Variants in CHD4 observed in about 807,000 individuals in gnomAD.
The protein encoded by CHD4 is chromodomain helicase DNA binding protein 4, also known as ATP-dependent chromatin remodeler CHD4.
Under a neutral mutation model 235.5 loss-of-function variants are expected in CHD4, and 35 were observed. The observed-to-expected ratio is 0.15, with a 90% CI of 0.11 to 0.20. The LOEUF (loss-of-function observed/expected upper bound fraction) is 0.20, where lower values mean the gene tolerates loss of function less well. Among genes scored for constraint, CHD4 ranks in the 10% least tolerant of loss-of-function variants. The pLI is 1.00. For missense variants in CHD4, 1,329 were observed against 2,432.3 expected (o/e 0.55, Z 9.54); for synonymous variants, 900 against 850.2 (o/e 1.06, Z -1.02).
In CHD4 at chr12:6,599,854, A is replaced by G. The variant is rs1948559831; in HGVS notation, c.1401T>C (p.Cys467=). The G allele has an allele frequency of 1.9e-6, 3 of 1,614,080 alleles. No individual in the cohort carries two copies. Among genetic ancestry groups the G allele is most frequent in the African/African-American group, 1.3e-5 (1 of 74,928 alleles). ...DGGELLCCDT[C]PSSYHIHCLN... Reference sequence around the variant, plus strand: ...GGCAGTGGATGTGGTAGGAAGAAGGACAGGTATCACAGCAGAGCAGTTCCC... The same window carrying G: ...GGCAGTGGATGTGGTAGGAAGAAGGGCAGGTATCACAGCAGAGCAGTTCCC... Residue 467 remains cysteine (C), a synonymous_variant, in exon 10 of 40, where the codon TGT becomes TGC. Transcript: ENST00000544040.
chr12:6,580,727 A>AAAAAAC (rs1555163920), intron 33 of CHD4: 2 of 244,468 alleles, frequency 8.2e-6, no homozygotes, highest in African/African-American at 6.2e-5. Context: ...AAAAAAAAAA[A>AAAAAAC]GCCAGGCACA....
At chr12:6,584,920 C>G (rs781676537) in intron 25 of CHD4, among the ~76,000 whole-genome samples, 8 of 152,190 alleles carry the variant, frequency 5.3e-5, no homozygotes, top group African/African-American at 1.9e-4. Flanking sequence ...TGATTGAACA[C>G]TACGGTACAC....
In CHD4 at chr12:6,602,021, T is replaced by C. The variant is rs1405054659; in HGVS notation, c.377A>G (p.Lys126Arg). The C allele has an allele frequency of 1.2e-5, 19 of 1,612,238 alleles. No individual in the cohort carries two copies. Among genetic ancestry groups the C allele is most frequent in the Non-Finnish European group, 1.4e-5 (17 of 1,179,934 alleles). Residue 126 changes from lysine to arginine, a missense_variant, in exon 4 of 40, where the codon AAG (lysine) becomes AGG (arginine). Transcript: ENST00000544040. ...CTCCTTCCGCTTGGATTTGCTCTTCTTCTCTTTCTTAGGTCCAAGCTTCTT... is the reference window on the plus strand; with the variant it reads ...CTCCTTCCGCTTGGATTTGCTCTTCCTCTCTTTCTTAGGTCCAAGCTTCTT... ...KKKKLGPKKEKKSKSKRKEEE... is the reference protein window; with the variant it reads ...KKKKLGPKKERKSKSKRKEEE...
chr12:6,585,993 G>C (rs983810437), intron 25 of CHD4, among the ~76,000 whole-genome samples: 5 of 152,042 alleles, frequency 3.3e-5, no homozygotes, highest in Non-Finnish European at 7.4e-5. Flanking sequence ...TCAGCTACTT[G>C]GGAGGCTGAG....
At chr12:6,585,126 G>A (rs554171478) in intron 25 of CHD4, among the ~76,000 whole-genome samples, 3 of 152,144 alleles carry the variant, frequency 2.0e-5, no homozygotes, top group African/African-American at 7.2e-5. Flanking sequence ...GTGGTTTACA[G>A]AGGACAAGAA....
chr12:6,603,743 C>T (rs1948639575), intron 2 of CHD4, among the ~76,000 whole-genome samples: 1 of 152,014 alleles, frequency 6.6e-6, no homozygotes, highest in Non-Finnish European at 1.5e-5. Context: ...TCGATCACTC[C>T]CTCAATCATA....
At chr12:6,579,291 A>G (rs902325098) in intron 33 of CHD4, 1 of 280,540 alleles carries the variant, frequency 3.6e-6, no homozygotes, top group Non-Finnish European at 6.9e-6. Flanking sequence ...CTCTACTAAA[A>G]GTACAAAAAT....
At chr12:6,591,893 GA>G in intron 20 of CHD4, 22 bp downstream of exon 20, 1 of 1,614,132 alleles carries the variant, frequency 6.2e-7, no homozygotes, top group Non-Finnish European at 8.5e-7. Flanking sequence ...ACCCAGGGAG[GA>G]ACAGGAGATG....
chr12:6,571,182 A>G, intron 38 of CHD4, 150 bp from the exon 39 acceptor site: 1 of 878,032 alleles, frequency 1.1e-6, no homozygotes, highest in Non-Finnish European at 1.7e-6. Flanking sequence ...CCATGTTCAA[A>G]TTCCTACTCC....
Position 6,581,296 on chromosome 12 carries a change from T to G in CHD4, c.4774A>C (p.Ile1592Leu). The G allele has an allele frequency of 6.2e-7, 1 of 1,614,180 alleles. No individual in the cohort carries two copies. Among genetic ancestry groups the G allele is most frequent in the Non-Finnish European group, 8.5e-7 (1 of 1,180,008 alleles). ...EVKSTAPETA[I>L]ECTQAPAPAS... ...TCAGTCACCCCATCTCTTACCTCAA[T>G]GGCAGTCTCAGGGGCTGTAGATTTA... Residue 1592 changes from isoleucine to leucine, a missense_variant, in exon 32 of 40, where the codon ATT (isoleucine) becomes CTT (leucine). Ile to Leu is a conservative substitution (Grantham distance 5). This residue lies in a region of CHD4 where 219 missense variants were observed against 219.3 expected (regional missense o/e 1.00). Coordinates refer to ENST00000544040, the MANE Select transcript of CHD4 (RefSeq NM_001273.5).
At chr12:6,591,879 C>G (rs536795402) in intron 20 of CHD4, 37 bp downstream of exon 20, 29 of 1,614,006 alleles carry the variant, frequency 1.8e-5, no homozygotes, top group Non-Finnish European at 2.0e-5. Flanking sequence ...ATGGAGAAGA[C>G]CCAACCCAGG....
At chr12:6,606,083 C>T (rs1948690473) in intron 2 of CHD4, among the ~76,000 whole-genome samples, 191 bp downstream of exon 2, 1 of 152,224 alleles carries the variant, frequency 6.6e-6, no homozygotes, top group Non-Finnish European at 1.5e-5. Context: ...CATCTCCGTG[C>T]CCAGGAGGCA....
Position 6,582,907 on chromosome 12 carries a change from G to T in CHD4, c.4177C>A (p.Arg1393=). The change falls in exon 28 of 40, where the codon CGG becomes AGG. Residue 1393 remains arginine (R), a synonymous_variant. Coordinates refer to ENST00000544040, the MANE Select transcript of CHD4 (RefSeq NM_001273.5). ...APRRPSRKGL[R]NDKDKPLPPL... is the part of the protein sequence containing the mutation. ...GGCAATGGCTTATCTTTATCATTCC[G>T]CAGGCCCTTACGACTGGGCCTACGG... 6.2e-7 allele frequency: 1 copy of T among 1,613,932 alleles called. No individual in the cohort carries two copies. The highest frequency in any genetic ancestry group is 8.5e-7 in the Non-Finnish European group (1 of 1,180,022).
At chr12:6,580,728 G>T in intron 33 of CHD4, 1 of 95,428 alleles carries the variant, frequency 1.0e-5, no homozygotes, top group Non-Finnish European at 1.8e-5. Flanking sequence ...AAAAAAAAAA[G>T]CCAGGCACAG....
intron 31 of CHD4, 114 bp downstream of exon 31, chr12:6,581,534 AG>A: frequency 6.5e-7 from 1 of 1,548,196 alleles, no homozygotes; most frequent in Non-Finnish European, 8.9e-7. Flanking sequence ...CTAAACTGAG[AG>A]GGAATTGCTG....
At chr12:6,596,533 C>T (rs1422999063) in intron 12 of CHD4, among the ~76,000 whole-genome samples, 3 of 151,816 alleles carry the variant, frequency 2.0e-5, no homozygotes, top group East Asian at 3.9e-4. Flanking sequence ...GGCGCGGTGG[C>T]TCACGCCTAT....
At chr12:6,606,182 G>T in intron 2 of CHD4, 92 bp downstream of exon 2, 1 of 843,160 alleles carries the variant, frequency 1.2e-6, no homozygotes, top group Non-Finnish European at 1.9e-6. Context: ...CACAGAGACA[G>T]CGGAGCAACA....
At chr12:6,583,465 C>T in intron 25 of CHD4, 87 bp from the exon 26 acceptor site, 10 of 1,198,384 alleles carry the variant, frequency 8.3e-6, no homozygotes, top group Non-Finnish European at 1.2e-5. Context: ...ACTCTGCTAG[C>T]TCCTTTTCAT....
intron 2 of CHD4, among the ~76,000 whole-genome samples, chr12:6,605,424 G>C (rs973631300): frequency 6.6e-6 from 1 of 152,146 alleles, no homozygotes; most frequent in Non-Finnish European, 1.5e-5. Context: ...ATAGACAACA[G>C]TTCCCCCAAT....
Sources: gnomAD v4.1 joint callset for allele counts (sites outside exome capture counted in the v4.1 genomes callset) on GRCh38, gnomAD v4.1.1 for gene constraint, gnomAD v4.1.1 regional missense constraint, MANE v1.5 for transcripts, NCBI Gene and HGNC (gene_info 2026-07-23, HGNC 2026-07-21) for gene names.